Variants in ASIC2 observed in about 807,000 individuals in gnomAD.
ASIC2 encodes acid sensing ion channel subunit 2.
A neutral mutation model predicts 57.3 loss-of-function variants in ASIC2; 25 were observed. The observed-to-expected ratio is 0.44, with a 90% CI of 0.32 to 0.61. ASIC2 has a LOEUF of 0.61. Ranked by LOEUF, ASIC2 falls within the 20% of genes least tolerant of loss-of-function variation. ASIC2 has a pLI of 0.06. For missense variants in ASIC2, 641 were observed against 738.1 expected (o/e 0.87, Z 1.52); for synonymous variants, 319 against 307.5 (o/e 1.04, Z -0.39).
At chr17:33,138,555 G>T (rs908133455) in intron 1 of ASIC2, among the ~76,000 whole-genome samples, 1 of 152,104 alleles carries the variant, frequency 6.6e-6, no homozygotes, top group Non-Finnish European at 1.5e-5. Context: ...ACCATTGCCC[G>T]TGGATTTTTT....
At chr17:33,225,168 C>A (rs1001374077) in intron 1 of ASIC2, among the ~76,000 whole-genome samples, 7 of 152,170 alleles carry the variant, frequency 4.6e-5, no homozygotes, top group African/African-American at 1.7e-4. Context: ...CTGGGGAAAT[C>A]GTTGCATATG....
intron 1 of ASIC2, among the ~76,000 whole-genome samples, chr17:33,201,292 G>C (rs1343264327): frequency 6.6e-6 from 1 of 152,156 alleles, no homozygotes; most frequent in African/African-American, 2.4e-5. Flanking sequence ...TAGTTTGTTG[G>C]CTCAATGAAT....
rs62055779 is a variant in ASIC2 at position 33,755,736 on chromosome 17, C to T, written c.555+400242G>A. On this transcript the variant is annotated intron_variant, in intron 1 of 9. Transcript: ENST00000359872. ...TGTAATGAAGAAATACTAGATCTAA[C>T]GTGACGTAAGAGTGTGCAAACATAA... 7.9e-3 allele frequency among the ~76,000 whole-genome samples: 1,210 copies of T among 152,228 alleles called. 10 individuals carry two copies. The highest frequency in any genetic ancestry group is 0.012 in the Non-Finnish European group (800 of 68,008).
intron 1 of ASIC2, among the ~76,000 whole-genome samples, chr17:33,251,712 T>A (rs1342309325): frequency 6.6e-6 from 1 of 152,140 alleles, no homozygotes; most frequent in Non-Finnish European, 1.5e-5. Flanking sequence ...ACTTTGCATA[T>A]GGGGAAACTG....
chr17:33,974,692 G>A (rs1198161135), intron 1 of ASIC2, among the ~76,000 whole-genome samples: 1 of 151,412 alleles, frequency 6.6e-6, no homozygotes, highest in African/African-American at 2.4e-5. Context: ...CTCCATCCTA[G>A]ATACTCAGAG....
intron 3 of ASIC2, among the ~76,000 whole-genome samples, chr17:33,049,869 T>C (rs558588636): frequency 2.0e-5 from 3 of 152,082 alleles, no homozygotes; most frequent in Admixed American, 6.6e-5. Flanking sequence ...CCCATGCCCC[T>C]CACCATTTTG....
intron 1 of ASIC2, among the ~76,000 whole-genome samples, chr17:33,124,955 ACAATAGGGT>A (rs2092317497): frequency 3.6e-5 from 1 of 27,772 alleles, no homozygotes; most frequent in Admixed American, 2.3e-4. Flanking sequence ...TGCACAGTTC[ACAATAGGGT>A]TCACGCTCCT....
At chr17:33,219,295 C>T (rs1169881331) in intron 1 of ASIC2, among the ~76,000 whole-genome samples, 1 of 152,176 alleles carries the variant, frequency 6.6e-6, no homozygotes, top group African/African-American at 2.4e-5. Flanking sequence ...GGCAGCCCCC[C>T]TTGATGCCAA....
intron 3 of ASIC2, among the ~76,000 whole-genome samples, chr17:33,065,325 C>T (rs1203756545): frequency 2.0e-5 from 3 of 151,570 alleles, no homozygotes; most frequent in African/African-American, 7.3e-5. Flanking sequence ...TACAGCTGCT[C>T]AGTCACCACT....
At chr17:34,141,699 C>T (rs1912277692) in intron 1 of ASIC2, among the ~76,000 whole-genome samples, 1 of 152,156 alleles carries the variant, frequency 6.6e-6, no homozygotes, top group Non-Finnish European at 1.5e-5. Flanking sequence ...ACATGCTAAG[C>T]GTTGGTAAAT....
intron 1 of ASIC2, among the ~76,000 whole-genome samples, chr17:33,982,181 C>A (rs1905650012): frequency 6.6e-6 from 1 of 152,222 alleles, no homozygotes; most frequent in Non-Finnish European, 1.5e-5. Context: ...CAATCCCCAG[C>A]CGTAATTACC....
chr17:33,189,409 A>G (rs1906326566), intron 1 of ASIC2, among the ~76,000 whole-genome samples: 1 of 152,214 alleles, frequency 6.6e-6, no homozygotes. Context: ...TAAGTGGAAA[A>G]GGGAACAAAG....
At chr17:33,839,816 A>G (rs1403327266) in intron 1 of ASIC2, among the ~76,000 whole-genome samples, 1 of 152,122 alleles carries the variant, frequency 6.6e-6, no homozygotes, top group Non-Finnish European at 1.5e-5. Flanking sequence ...AGCAGCAGCA[A>G]TGGTTGGTTC....
intron 1 of ASIC2, among the ~76,000 whole-genome samples, chr17:33,825,396 C>T (rs762148692): frequency 9.9e-5 from 15 of 152,154 alleles, no homozygotes; most frequent in Non-Finnish European, 1.8e-4. Context: ...ATCTGGGATC[C>T]CCTCTGAGCC....
chr17:33,299,645 G>A (rs1211787091), intron 1 of ASIC2, among the ~76,000 whole-genome samples: 2 of 151,536 alleles, frequency 1.3e-5, no homozygotes, highest in Admixed American at 6.6e-5. Context: ...CATTTTACTT[G>A]ACTTCAAGCT....
intron 1 of ASIC2, among the ~76,000 whole-genome samples, chr17:33,744,454 G>A (rs1208808635): frequency 6.6e-6 from 1 of 152,174 alleles, no homozygotes; most frequent in Non-Finnish European, 1.5e-5. Flanking sequence ...TATCCTAGGT[G>A]AGCACTGAGG....
In ASIC2 at chr17:33,171,580, C is replaced by T. The variant is rs540815471; in HGVS notation, c.709-59513G>A. Among the ~76,000 whole-genome samples the T allele has an allele frequency of 4.6e-5, 7 of 152,364 alleles. No homozygotes were observed. The South Asian group carries it at 1.4e-3, about 32-fold the overall frequency. On this transcript the variant is annotated intron_variant, in intron 1 of 9. Transcript: ENST00000225823. ...TCTGTTATCCATTACTCAACTCAGG[C>T]ACCAGCCTCCTGACAGGTCTCCCTG...
intron 1 of ASIC2, among the ~76,000 whole-genome samples, chr17:33,497,419 C>CA (rs1913970931): frequency 1.3e-5 from 2 of 151,816 alleles, no homozygotes; most frequent in South Asian, 2.1e-4. Context: ...CTTGATGCAA[C>CA]TTTTTTTTTC....
intron 1 of ASIC2, among the ~76,000 whole-genome samples, chr17:34,020,784 C>T (rs1036519413): frequency 6.6e-6 from 1 of 152,144 alleles, no homozygotes; most frequent in Non-Finnish European, 1.5e-5. Context: ...CAGCCCCGCC[C>T]GCACCGTGAT....
Sources: allele counts gnomAD v4.1 joint callset (sites outside exome capture counted in the v4.1 genomes callset), GRCh38; gene constraint gnomAD v4.1.1; transcripts MANE v1.5; gene names NCBI Gene and HGNC (gene_info 2026-07-23, HGNC 2026-07-21).